Variants in NALF1 observed in about 807,000 individuals in gnomAD.
NALF1 encodes the protein NALCN channel auxiliary factor 1.
NALF1 carries 3 observed loss-of-function variants against 48.4 expected under a neutral mutation model. The ratio of observed to expected loss-of-function variants is 0.06; its 90% confidence interval spans 0.03 to 0.16. NALF1 has a LOEUF of 0.16. Ranked by LOEUF, NALF1 falls within the 10% of genes least tolerant of loss-of-function variation. The probability of loss-of-function intolerance (pLI) is 1.00; values close to 1 mark genes in which losing one functional copy is unlikely to be tolerated. For synonymous variants in NALF1, 262 were observed against 245.7 expected (o/e 1.07, Z -0.62); for missense variants, 526 against 571.5 (o/e 0.92, Z 0.81).
At chr13:107,173,762 A>G (rs968881941) in intron 2 of NALF1, among the ~76,000 whole-genome samples, 1 of 152,110 alleles carries the variant, frequency 6.6e-6, no homozygotes, top group South Asian at 2.1e-4. Context: ...TGTTTATTCT[A>G]CCTCATATTT....
chr13:107,399,804 T>C (rs1424149711), intron 1 of NALF1, among the ~76,000 whole-genome samples: 3 of 152,074 alleles, frequency 2.0e-5, no homozygotes, highest in Non-Finnish European at 2.9e-5. Flanking sequence ...TTTACAAACA[T>C]GTGATACAAG....
chr13:107,740,568 G>T (rs190366282), intron 1 of NALF1, among the ~76,000 whole-genome samples: 2 of 152,172 alleles, frequency 1.3e-5, no homozygotes, highest in East Asian at 3.9e-4. Flanking sequence ...CACAGGCAAA[G>T]GATAATAAAA....
intron 1 of NALF1, among the ~76,000 whole-genome samples, chr13:107,567,083 C>T (rs1343300278): frequency 6.6e-6 from 1 of 152,024 alleles, no homozygotes. Flanking sequence ...ATGCTACACT[C>T]CTGAAATAAC....
intron 1 of NALF1, among the ~76,000 whole-genome samples, chr13:107,530,741 T>C (rs1876600888): frequency 6.6e-6 from 1 of 152,110 alleles, no homozygotes; most frequent in South Asian, 2.1e-4. Context: ...CATATTGATG[T>C]AAGCTGAAAT....
At chr13:107,473,867 C>A (rs1020959672) in intron 1 of NALF1, among the ~76,000 whole-genome samples, 2 of 152,184 alleles carry the variant, frequency 1.3e-5, no homozygotes, top group African/African-American at 4.8e-5. Flanking sequence ...TGGCTGTTGG[C>A]TCCGGTGATG....
intron 1 of NALF1, among the ~76,000 whole-genome samples, chr13:107,628,585 T>A (rs1879748227): frequency 1.3e-5 from 2 of 152,178 alleles, no homozygotes. Flanking sequence ...TACTTTACTG[T>A]TTTTACATTT....
intron 1 of NALF1, among the ~76,000 whole-genome samples, chr13:107,689,725 GAA>G (rs955711526): frequency 3.9e-5 from 6 of 152,132 alleles, no homozygotes; most frequent in African/African-American, 1.4e-4. Context: ...TTTTCTTCTA[GAA>G]AAAGTCTTAA....
chr13:107,547,080 C>A (rs548232259), intron 1 of NALF1, among the ~76,000 whole-genome samples: 1 of 152,266 alleles, frequency 6.6e-6, no homozygotes, highest in East Asian at 1.9e-4. Context: ...CATCTTTGTT[C>A]AATGCCTGAC....
At chr13:107,462,746 T>G (rs1362423725) in intron 1 of NALF1, among the ~76,000 whole-genome samples, 5 of 152,186 alleles carry the variant, frequency 3.3e-5, no homozygotes, top group Admixed American at 3.3e-4. Context: ...GCAGCTACAC[T>G]TTGTGGGTGT....
chr13:107,382,457 C>T lies in NALF1; in HGVS notation c.916-171702G>A, dbSNP rs1054528522. Reference sequence around the variant, plus strand: ...ATATATTGAAATAAATTTAGACTTACAGAGGAGTTGCAAAAATGTTACCCT... The same window carrying T: ...ATATATTGAAATAAATTTAGACTTATAGAGGAGTTGCAAAAATGTTACCCT... On this transcript the variant is annotated intron_variant, in intron 1 of 2. Transcript: ENST00000375915. Among the ~76,000 whole-genome samples the T allele has an allele frequency of 5.9e-5, 9 of 152,154 alleles. No individual in the cohort carries two copies. In the South Asian group the frequency reaches 1.2e-3, roughly 21 times the overall value.
Position 107,866,388 on chromosome 13 carries a change from T to G in NALF1, c.209A>C (p.Lys70Thr). 5 of 1,613,732 alleles carry G rather than the reference T, an allele frequency of 3.1e-6. No homozygotes were observed. The highest frequency in any genetic ancestry group is 4.2e-6 in the Non-Finnish European group (5 of 1,180,008). ...AEAKLTRARD[K>T]EHQQQQRQQQ... ...CTGCCGCTGCTGCTGCTGGTGCTCC[T>G]TGTCCCGGGCCCGGGTCAGCTTGGC... The change falls in exon 1 of 3, where the codon AAG (lysine) becomes ACG (threonine). Residue 70 changes from lysine to threonine, a missense_variant. By Grantham distance (78) the Lys-to-Thr change is moderately conservative. Around this residue, in one of 2 missense-constraint regions of NALF1, gnomAD observed 373 missense variants for 355.5 expected, o/e 1.05. Transcript: ENST00000375915. The surrounding 1 kb of genome is among the most constrained non-coding windows in gnomAD (Gnocchi z 4.4).
chr13:107,231,512 T>C (rs929443808), intron 1 of NALF1, among the ~76,000 whole-genome samples: 5 of 152,236 alleles, frequency 3.3e-5, no homozygotes, highest in African/African-American at 1.2e-4. Flanking sequence ...AAAACGTCTT[T>C]ACATGGAAGA....
intron 1 of NALF1, among the ~76,000 whole-genome samples, chr13:107,745,054 G>A (rs1038639536): frequency 6.6e-6 from 1 of 152,196 alleles, no homozygotes; most frequent in Non-Finnish European, 1.5e-5. Flanking sequence ...TGAATAAAAG[G>A]TCCTTAGCAA....
chr13:107,703,651 A>T (rs997139820), intron 1 of NALF1, among the ~76,000 whole-genome samples: 2 of 152,148 alleles, frequency 1.3e-5, no homozygotes, highest in Non-Finnish European at 2.9e-5. Context: ...CTCCACAGTG[A>T]AGTTACCTCA....
intron 1 of NALF1, among the ~76,000 whole-genome samples, chr13:107,220,945 A>G (rs1375317140): frequency 6.6e-6 from 1 of 152,132 alleles, no homozygotes; most frequent in East Asian, 1.9e-4. Flanking sequence ...TATATAATAT[A>G]AACACCATAG....
intron 1 of NALF1, among the ~76,000 whole-genome samples, chr13:107,385,552 C>CAAAAAAAAAA (rs201307018): frequency 1.9e-4 from 23 of 118,280 alleles, no homozygotes; most frequent in African/African-American, 6.4e-4. Flanking sequence ...GATTCCATCT[C>CAAAAAAAAAA]AAAAAAAAAA....
chr13:107,528,763 G>A (rs116903364), intron 1 of NALF1, among the ~76,000 whole-genome samples: 3 of 152,282 alleles, frequency 2.0e-5, no homozygotes, highest in Non-Finnish European at 2.9e-5. Flanking sequence ...GTAGGTAGAA[G>A]AGTCATTGAA....
intron 1 of NALF1, among the ~76,000 whole-genome samples, chr13:107,519,499 A>T (rs936135767): frequency 5.3e-5 from 8 of 152,154 alleles, no homozygotes; most frequent in South Asian, 2.1e-4. Context: ...GTCCCAGGGC[A>T]CTGTTTCAGG....
At chr13:107,782,255 G>C (rs560025518) in intron 1 of NALF1, among the ~76,000 whole-genome samples, 1 of 152,338 alleles carries the variant, frequency 6.6e-6, no homozygotes, top group African/African-American at 2.4e-5. Flanking sequence ...GGGTTTCGCT[G>C]TGTTGGCAGG....
Sources: allele counts gnomAD v4.1 joint callset (sites outside exome capture counted in the v4.1 genomes callset), GRCh38; gene constraint gnomAD v4.1.1; regional missense constraint gnomAD v4.1.1; non-coding constraint Gnocchi (gnomAD v3.1); transcripts MANE v1.5; gene names NCBI Gene and HGNC (gene_info 2026-07-23, HGNC 2026-07-21).